ALK: variants seen among roughly 807,000 people sequenced by gnomAD.
ALK encodes ALK receptor tyrosine kinase, also known as ALK tyrosine kinase receptor.
Under a neutral mutation model 163.1 loss-of-function variants are expected in ALK, and 74 were observed. That is an observed-to-expected ratio of 0.45 (90% CI 0.38 to 0.55). The LOEUF is 0.55. Among genes scored for constraint, ALK ranks in the 20% least tolerant of loss-of-function variants. ALK has a pLI of 0.00. For synonymous variants in ALK, 960 were observed against 843.2 expected (o/e 1.14, Z -2.40); for missense variants, 2,063 against 2,105.3 (o/e 0.98, Z 0.39).
intron 1 of ALK, among the ~76,000 whole-genome samples, chr2:29,830,713 TAA>T (rs530774574): frequency 2.9e-3 from 83 of 28,982 alleles, no homozygotes; most frequent in Admixed American, 5.9e-3. Context: ...TAAAATAGTT[TAA>T]AAAAAAAAAA....
chr2:29,840,468 A>G (rs999858775), intron 1 of ALK, among the ~76,000 whole-genome samples: 30 of 152,228 alleles, frequency 2.0e-4, no homozygotes, highest in African/African-American at 7.0e-4. Context: ...TAGTAATTCA[A>G]ACATATTCTC....
At chr2:29,684,304 A>G (rs1678173963) in intron 3 of ALK, among the ~76,000 whole-genome samples, 1 of 152,228 alleles carries the variant, frequency 6.6e-6, no homozygotes, top group South Asian at 2.1e-4. Flanking sequence ...ATACTTTTAT[A>G]GATGATCTAG....
chr2:29,216,141 A>C (rs1475125861), intron 23 of ALK, among the ~76,000 whole-genome samples: 3 of 152,156 alleles, frequency 2.0e-5, no homozygotes, highest in African/African-American at 7.2e-5. Context: ...CTCCTGCGGC[A>C]AAGAGTTGGA....
Position 29,511,678 on chromosome 2 carries a change from G to T in ALK, c.1154+20237C>A, listed in dbSNP as rs1573416249. Reference sequence around the variant, plus strand: ...AGACAGGGAGTAGAATGGCTGGGTTGTATGGTAGGCATATGTCTAGTTTTT... The same window carrying T: ...AGACAGGGAGTAGAATGGCTGGGTTTTATGGTAGGCATATGTCTAGTTTTT... On this transcript the variant is annotated intron_variant, in intron 4 of 28. Transcript: ENST00000389048. Among the ~76,000 whole-genome samples the T allele has an allele frequency of 3.3e-5, 5 of 152,278 alleles. No individual in the cohort carries two copies. The South Asian group carries it at 1.0e-3, about 32-fold the overall frequency.
chr2:29,316,137 G>A (rs1666829109), intron 8 of ALK, among the ~76,000 whole-genome samples: 1 of 152,142 alleles, frequency 6.6e-6, no homozygotes, highest in Non-Finnish European at 1.5e-5. Context: ...CTGCATTTAG[G>A]ATTCACATAA....
intron 5 of ALK, among the ~76,000 whole-genome samples, chr2:29,365,006 G>C (rs1375909506): frequency 6.6e-6 from 1 of 152,118 alleles, no homozygotes; most frequent in Non-Finnish European, 1.5e-5. Context: ...TATAAGGTTG[G>C]CATTATAATG....
At chr2:29,319,620 G>A (rs1666948766) in intron 7 of ALK, among the ~76,000 whole-genome samples, 1 of 152,216 alleles carries the variant, frequency 6.6e-6, no homozygotes. Context: ...GGTAAGGAAA[G>A]CTAATCTGTG....
intron 2 of ALK, among the ~76,000 whole-genome samples, chr2:29,712,128 T>C (rs1679121923): frequency 6.6e-6 from 1 of 152,192 alleles, no homozygotes; most frequent in Non-Finnish European, 1.5e-5. Flanking sequence ...TTATATTGAA[T>C]TTCCATGGAT....
At chr2:29,498,011 A>G (rs2148129747) in intron 4 of ALK, among the ~76,000 whole-genome samples, 1 of 152,328 alleles carries the variant, frequency 6.6e-6, no homozygotes, top group South Asian at 2.1e-4. Context: ...TTCTAATGCC[A>G]TTACTACTAA....
intron 2 of ALK, among the ~76,000 whole-genome samples, chr2:29,700,830 A>C (rs1393468367): frequency 1.2e-4 from 18 of 152,322 alleles, no homozygotes. Flanking sequence ...AGACATACCC[A>C]GTCTCCCTTA....
At position 29,410,324 on chromosome 2, in the gene ALK, C is replaced by A. The variant is rs1379062471; in HGVS notation, c.1155-26465G>T. Among the ~76,000 whole-genome samples, 4 of 152,318 alleles carry A rather than the reference C, an allele frequency of 2.6e-5. No homozygotes were observed. In the East Asian group the frequency reaches 5.8e-4, roughly 22 times the overall value. The stretch of plus-strand genomic sequence containing the variant: ...AATCAGAAACTCAAAAGAATATAAC[C>A]CTTTGTGTATCACCTAATTGTGACC... On this transcript the variant is annotated intron_variant, in intron 4 of 28. Transcript: ENST00000389048.
intron 4 of ALK, among the ~76,000 whole-genome samples, chr2:29,516,126 T>C (rs1281192320): frequency 6.6e-6 from 1 of 152,176 alleles, no homozygotes; most frequent in Non-Finnish European, 1.5e-5. Flanking sequence ...GTCACCCTCA[T>C]CTTGCCTCAG....
At chr2:29,415,851 C>T (rs1311433766) in intron 4 of ALK, among the ~76,000 whole-genome samples, 4 of 152,246 alleles carry the variant, frequency 2.6e-5, no homozygotes, top group Admixed American at 1.3e-4. Context: ...AAAATATCCA[C>T]CTTTTCTTGC....
At chr2:29,603,313 C>A (rs1247795490) in intron 3 of ALK, among the ~76,000 whole-genome samples, 4 of 152,108 alleles carry the variant, frequency 2.6e-5, no homozygotes, top group Non-Finnish European at 5.9e-5. Context: ...GTAAATTTCC[C>A]CCACAAGAGA....
intron 1 of ALK, among the ~76,000 whole-genome samples, chr2:29,805,209 A>C (rs1222174729): frequency 2.6e-5 from 4 of 152,244 alleles, no homozygotes; most frequent in Admixed American, 2.6e-4. Flanking sequence ...CAGCTAACAT[A>C]ACAGACAAGG....
At chr2:29,639,192 C>T (rs762551064) in intron 3 of ALK, among the ~76,000 whole-genome samples, 20 of 152,228 alleles carry the variant, frequency 1.3e-4, no homozygotes, top group African/African-American at 2.2e-4. Context: ...GAAAAGGATT[C>T]GGATCTTGCA....
intron 4 of ALK, among the ~76,000 whole-genome samples, chr2:29,455,376 C>G (rs987509499): frequency 6.6e-6 from 1 of 152,160 alleles, no homozygotes; most frequent in African/African-American, 2.4e-5. Flanking sequence ...CCTGGGAGAG[C>G]AGCAAGGTGG....
intron 1 of ALK, among the ~76,000 whole-genome samples, chr2:29,730,726 G>A (rs1679717942): frequency 6.6e-6 from 1 of 152,172 alleles, no homozygotes; most frequent in African/African-American, 2.4e-5. Context: ...AGTTAAGGTT[G>A]CTTGCAGTGA....
intron 4 of ALK, among the ~76,000 whole-genome samples, chr2:29,401,716 CATA>C (rs1669450297): frequency 6.6e-6 from 1 of 152,144 alleles, no homozygotes; most frequent in Admixed American, 6.5e-5. Flanking sequence ...CGCAGGCCTC[CATA>C]ATAAGGAGGT....
Sources: allele counts gnomAD v4.1 joint callset (sites outside exome capture counted in the v4.1 genomes callset), GRCh38; gene constraint gnomAD v4.1.1; transcripts MANE v1.5; gene names NCBI Gene and HGNC (gene_info 2026-07-23, HGNC 2026-07-21).